The following SYCP2 variants were observed in gnomAD, a reference collection of about 807,000 sequenced individuals.
SYCP2 encodes the protein synaptonemal complex protein 2.
A neutral mutation model predicts 211.3 loss-of-function variants in SYCP2; 55 were observed. The ratio of observed to expected loss-of-function variants is 0.26; its 90% CI spans 0.21 to 0.33. The LOEUF is 0.33. Ranked by LOEUF, SYCP2 falls within the 10% of genes least tolerant of loss-of-function variation. The probability of loss-of-function intolerance (pLI) is 1.00; values close to 1 mark genes in which losing one functional copy is unlikely to be tolerated. For synonymous variants in SYCP2, 570 were observed against 555.2 expected (o/e 1.03, Z -0.37); for missense variants, 1,731 against 1,752.0 (o/e 0.99, Z 0.21).
intron 35 of SYCP2, 23 bp downstream of exon 35, chr20:59,873,827 TAAAGAG>T (rs776693736): frequency 2.2e-5 from 34 of 1,546,710 alleles, no homozygotes; most frequent in Middle Eastern, 3.5e-4. Context: ...ATATATCTGA[TAAAGAG>T]AAAAATATAT....
intron 2 of SYCP2, 24 bp downstream of exon 2, chr20:59,932,038 G>C (rs1261486601): frequency 6.6e-6 from 1 of 152,182 alleles, no homozygotes; most frequent in Non-Finnish European, 1.5e-5. Context: ...GAATAATAAT[G>C]TTTCAAGAGA....
At chr20:59,874,338 G>C (rs1218127539) in intron 34 of SYCP2, among the ~76,000 whole-genome samples, 1 of 151,992 alleles carries the variant, frequency 6.6e-6, no homozygotes, top group Non-Finnish European at 1.5e-5. Context: ...TGAAATATAA[G>C]GATCAACCTA....
chr20:59,922,895 G>C (rs2060567716), intron 2 of SYCP2, among the ~76,000 whole-genome samples: 1 of 151,764 alleles, frequency 6.6e-6, no homozygotes, highest in Non-Finnish European at 1.5e-5. Flanking sequence ...CAATGAACAG[G>C]ATCAAAATAT....
At chr20:59,902,819 T>C (rs1453923530) in intron 15 of SYCP2, among the ~76,000 whole-genome samples, 1 of 152,194 alleles carries the variant, frequency 6.6e-6, no homozygotes, top group Non-Finnish European at 1.5e-5. Flanking sequence ...AGAGCGCTAG[T>C]AGTTTTTTAA....
chr20:59,871,512 C>T (rs545504345), intron 35 of SYCP2, among the ~76,000 whole-genome samples: 2 of 151,792 alleles, frequency 1.3e-5, no homozygotes, highest in Non-Finnish European at 2.9e-5. Flanking sequence ...CCATCTAACA[C>T]AGAGTAGCAT....
At chr20:59,866,635 A>T (rs1418350222) in intron 39 of SYCP2, 46 bp from the exon 40 acceptor site, 4 of 1,311,432 alleles carry the variant, frequency 3.1e-6, no homozygotes, top group Admixed American at 4.4e-5. Flanking sequence ...ACAAAATAAC[A>T]CTCTAACCAA....
intron 2 of SYCP2, among the ~76,000 whole-genome samples, chr20:59,929,227 T>C (rs1316270107): frequency 2.6e-5 from 4 of 152,042 alleles, no homozygotes; most frequent in African/African-American, 4.8e-5. Context: ...ATCCACCATA[T>C]TGGCAAAAAC....
chr20:59,930,543 T>C (rs529524195), intron 2 of SYCP2, among the ~76,000 whole-genome samples: 43 of 152,290 alleles, frequency 2.8e-4, no homozygotes, highest in Middle Eastern at 3.4e-3. Context: ...CTAGAAATAC[T>C]AGCAAATTAG....
At chr20:59,876,043 A>C (rs2059547435) in intron 33 of SYCP2, among the ~76,000 whole-genome samples, 1 of 152,036 alleles carries the variant, frequency 6.6e-6, no homozygotes, top group African/African-American at 2.4e-5. Context: ...TGGCTTGAGA[A>C]GGCATGTGAC....
At chr20:59,886,911 T>C (rs2059799762) in intron 24 of SYCP2, 77 bp from the exon 25 acceptor site, 2 of 1,197,362 alleles carry the variant, frequency 1.7e-6, no homozygotes, top group East Asian at 2.7e-5. Flanking sequence ...AAAAAACTTT[T>C]AAGATAAATC....
chr20:59,928,737 G>T (rs922112572), intron 2 of SYCP2, among the ~76,000 whole-genome samples: 1 of 152,022 alleles, frequency 6.6e-6, no homozygotes, highest in African/African-American at 2.4e-5. Context: ...TCAATAAATG[G>T]TCTGGGAAAA....
chr20:59,880,382 T>C lies in SYCP2; in HGVS notation c.2862A>G (p.Leu954=), dbSNP rs2059652666. ...GCTGTGGTTTTGATTTCGGTTCTCT[T>C]AGCCAGCTAATATCAGTCTTGCTGT... The part of the protein sequence containing the change: ...CDDSKTDISW[L]REPKSKPQLI... Residue 954 remains leucine, a synonymous_variant, in exon 31 of 45, where the codon CTA becomes CTG. Transcript: ENST00000357552. 1.2e-6 allele frequency: 2 copies of C among 1,602,208 alleles called. No homozygotes were observed. The highest frequency in any genetic ancestry group is 1.3e-5 in the African/African-American group (1 of 74,788).
At chr20:59,879,832 T>A (rs992186924) in intron 31 of SYCP2, among the ~76,000 whole-genome samples, 9 of 27,246 alleles carry the variant, frequency 3.3e-4, no homozygotes, top group African/African-American at 3.1e-3. Context: ...AATATATATA[T>A]ATATATATAT....
At chr20:59,917,914 G>C (rs2060473043) in intron 7 of SYCP2, among the ~76,000 whole-genome samples, 1 of 152,142 alleles carries the variant, frequency 6.6e-6, no homozygotes, top group Admixed American at 6.6e-5. Flanking sequence ...GTTTTTGCAT[G>C]ACTGTATTAC....
At chr20:59,922,680 G>T (rs1372280140) in intron 2 of SYCP2, among the ~76,000 whole-genome samples, 1 of 151,514 alleles carries the variant, frequency 6.6e-6, no homozygotes, top group Non-Finnish European at 1.5e-5. Context: ...CCTTTTTATA[G>T]ATTACTTAAA....
In SYCP2 at chr20:59,866,490, C is replaced by T; in HGVS notation, c.4220+5G>A. On this transcript the variant is annotated splice_donor_5th_base_variant and intron_variant, in intron 40 of 44. Coordinates refer to ENST00000357552, the MANE Select transcript of SYCP2 (RefSeq NM_014258.4). ...AAGTTTTCAGAACAGATTTTTATTA[C>T]AGACCTAGAGTCCTGACTTTGATGA... 6.2e-7 allele frequency: 1 copy of T among 1,603,598 alleles called. No homozygotes were observed. Among genetic ancestry groups the T allele is most frequent in the Non-Finnish European group, 8.5e-7 (1 of 1,175,330 alleles).
At chr20:59,886,996 A>C (rs2059801811) in intron 24 of SYCP2, among the ~76,000 whole-genome samples, 162 bp from the exon 25 acceptor site, 1 of 150,808 alleles carries the variant, frequency 6.6e-6, no homozygotes, top group Non-Finnish European at 1.5e-5. Context: ...TTAGGCATTA[A>C]AATAAGATAA....
rs1429478568 is a variant in SYCP2 at position 59,864,222 on chromosome 20, A to G, written c.*89T>C. The G allele has an allele frequency of 3.5e-5, 33 of 931,158 alleles. No individual in the cohort carries two copies. Among genetic ancestry groups the G allele is most frequent in the Admixed American group, 8.7e-5 (3 of 34,416 alleles). The allele number at this position is 931,158 out of a possible 1,614,324, so 57.7% of individuals were successfully genotyped here. On this transcript the variant is annotated 3_prime_UTR_variant, in exon 45 of 45. Transcript: ENST00000357552. ...GGGTACACTTGCTTCGGTGACATGT[A>G]TATTTTTCTCTTTGTAGGACTATTC...
intron 15 of SYCP2, among the ~76,000 whole-genome samples, chr20:59,906,746 C>A (rs2060221053): frequency 6.6e-6 from 1 of 151,732 alleles, no homozygotes; most frequent in Non-Finnish European, 1.5e-5. Context: ...AAGCAAGATA[C>A]AATTTTGGAG....
Sources: gnomAD v4.1 joint callset for allele counts (sites outside exome capture counted in the v4.1 genomes callset) on GRCh38, gnomAD v4.1.1 for gene constraint, MANE v1.5 for transcripts, NCBI Gene and HGNC (gene_info 2026-07-23, HGNC 2026-07-21) for gene names.